Variants in TFCP2 observed in about 807,000 individuals in gnomAD.
The protein encoded by TFCP2 is alpha-globin transcription factor CP2.
Under a neutral mutation model 73.4 loss-of-function variants are expected in TFCP2, and 33 were observed. The observed-to-expected ratio is 0.45, with a 90% confidence interval of 0.34 to 0.60. TFCP2 has a LOEUF of 0.60. TFCP2 is among the 20% of genes least tolerant of loss of function. The pLI is 0.01. For synonymous variants in TFCP2, 193 were observed against 211.6 expected, an observed-to-expected ratio of 0.91 and a Z score of 0.76; for missense variants, 352 against 604.0, an observed-to-expected ratio of 0.58 and a Z score of 4.37.
At chr12:51,140,626 A>C (rs1941172042) in intron 1 of TFCP2, among the ~76,000 whole-genome samples, 1 of 150,590 alleles carries the variant, frequency 6.6e-6, no homozygotes, top group Non-Finnish European at 1.5e-5. Flanking sequence ...AGGGTCTTAC[A>C]CTGTCACCCA....
intron 2 of TFCP2, among the ~76,000 whole-genome samples, chr12:51,117,975 C>T (rs543889707): frequency 8.5e-5 from 13 of 152,232 alleles, no homozygotes; most frequent in Admixed American, 2.6e-4. Flanking sequence ...ATTTTACAGA[C>T]AAAGAAATTG....
chr12:51,149,109 A>G (rs1319681087), intron 1 of TFCP2, among the ~76,000 whole-genome samples: 4 of 151,850 alleles, frequency 2.6e-5, no homozygotes, highest in Non-Finnish European at 5.9e-5. Context: ...GAACGAAACA[A>G]TGGCATTTGC....
At chr12:51,128,647 G>A (rs1940869312) in intron 1 of TFCP2, among the ~76,000 whole-genome samples, 1 of 152,122 alleles carries the variant, frequency 6.6e-6, no homozygotes, top group African/African-American at 2.4e-5. Context: ...ATATCACTGT[G>A]CAAGGTGAAA....
chr12:51,098,615 G>C (rs1592786239), intron 13 of TFCP2, among the ~76,000 whole-genome samples, 161 bp downstream of exon 13: 1 of 150,080 alleles, frequency 6.7e-6, no homozygotes, highest in African/African-American at 2.5e-5. Flanking sequence ...AACAGAGAGA[G>C]ACTGTTTCAA....
chr12:51,158,280 GTA>G (rs1332009740), intron 1 of TFCP2, among the ~76,000 whole-genome samples: 1 of 152,040 alleles, frequency 6.6e-6, no homozygotes, highest in African/African-American at 2.4e-5. Flanking sequence ...TAAAGCACTG[GTA>G]TTACAGGTAT....
At chr12:51,161,087 C>A (rs899741044) in intron 1 of TFCP2, among the ~76,000 whole-genome samples, 1 of 152,028 alleles carries the variant, frequency 6.6e-6, no homozygotes, top group African/African-American at 2.4e-5. Context: ...TTTCTGTTTT[C>A]TTTTCTTATT....
chr12:51,172,462 A>G lies in TFCP2; in HGVS notation c.-40T>C. The G allele has an allele frequency of 6.2e-7, 1 of 1,611,908 alleles. No individual in the cohort carries two copies. Among genetic ancestry groups the G allele is most frequent in the East Asian group, 2.2e-5 (1 of 44,852 alleles). ...TGCCCCAGGAGACACCGTGTCTTGT[A>G]CAAAGGCGCGGAGGGTAATTCTACC... On this transcript the variant is annotated 5_prime_UTR_variant, in exon 1 of 15. Coordinates refer to ENST00000257915, the MANE Select transcript of TFCP2 (RefSeq NM_005653.5).
intron 1 of TFCP2, among the ~76,000 whole-genome samples, chr12:51,147,120 A>G (rs1566225534): frequency 1.3e-5 from 2 of 152,206 alleles, no homozygotes; most frequent in Non-Finnish European, 2.9e-5. Flanking sequence ...AAGCAGGCAG[A>G]TCACCTGAGG....
At chr12:51,162,590 A>C (rs1490955287) in intron 1 of TFCP2, among the ~76,000 whole-genome samples, 1 of 152,192 alleles carries the variant, frequency 6.6e-6, no homozygotes, top group Non-Finnish European at 1.5e-5. Flanking sequence ...ACTTAAAATC[A>C]ACTCTACTCT....
intron 1 of TFCP2, among the ~76,000 whole-genome samples, chr12:51,152,478 A>G (rs950976893): frequency 6.6e-6 from 1 of 152,244 alleles, no homozygotes; most frequent in Non-Finnish European, 1.5e-5. Flanking sequence ...TAAGGTCTAT[A>G]GATTATAGCA....
chr12:51,164,817 C>T (rs1941720777), intron 1 of TFCP2, among the ~76,000 whole-genome samples: 3 of 151,316 alleles, frequency 2.0e-5, no homozygotes, highest in South Asian at 4.2e-4. Flanking sequence ...ATTAAAGTAC[C>T]AAAACTGACT....
At chr12:51,157,738 G>A (rs1941569332) in intron 1 of TFCP2, among the ~76,000 whole-genome samples, 1 of 138,656 alleles carries the variant, frequency 7.2e-6, no homozygotes, top group African/African-American at 2.7e-5. Context: ...CCAGGCTGGA[G>A]TACAGTGGCA....
intron 4 of TFCP2, among the ~76,000 whole-genome samples, chr12:51,115,652 G>T (rs548545171): frequency 6.6e-6 from 1 of 152,286 alleles, no homozygotes; most frequent in East Asian, 1.9e-4. Context: ...CAAATTAAGT[G>T]CCTATCATGG....
chr12:51,112,012 G>T (rs1940413886), intron 4 of TFCP2, among the ~76,000 whole-genome samples: 1 of 152,016 alleles, frequency 6.6e-6, no homozygotes. Context: ...ACAAAAATTA[G>T]CCAGGCATGG....
At chr12:51,107,163 C>T (rs1190337763) in intron 7 of TFCP2, 73 bp downstream of exon 7, 1 of 1,225,718 alleles carries the variant, frequency 8.2e-7, no homozygotes, top group Non-Finnish European at 1.2e-6. Context: ...TAAATTCTGA[C>T]CAGTTTGGAA....
intron 1 of TFCP2, among the ~76,000 whole-genome samples, chr12:51,128,208 C>A (rs1940854977): frequency 6.6e-6 from 1 of 152,082 alleles, no homozygotes; most frequent in South Asian, 2.1e-4. Context: ...CATGAGCCAC[C>A]ATGCCCAGCC....
chr12:51,169,949 T>C (rs144476670), intron 1 of TFCP2, among the ~76,000 whole-genome samples: 48 of 152,372 alleles, frequency 3.2e-4, no homozygotes, highest in East Asian at 9.6e-4. Context: ...TTGCACCTAG[T>C]AGATTAACAA....
intron 1 of TFCP2, among the ~76,000 whole-genome samples, chr12:51,139,532 C>T (rs1363128004): frequency 6.6e-6 from 1 of 152,082 alleles, no homozygotes; most frequent in South Asian, 2.1e-4. Flanking sequence ...CACACACCAC[C>T]ACACCTGGCT....
chr12:51,141,033 G>C (rs1223934108), intron 1 of TFCP2, among the ~76,000 whole-genome samples: 1 of 151,840 alleles, frequency 6.6e-6, no homozygotes, highest in Admixed American at 6.6e-5. Context: ...TCCAGCCTGG[G>C]CAACAGAGTG....
Sources: allele counts gnomAD v4.1 joint callset (sites outside exome capture counted in the v4.1 genomes callset), GRCh38; gene constraint gnomAD v4.1.1; transcripts MANE v1.5; gene names NCBI Gene and HGNC (gene_info 2026-07-23, HGNC 2026-07-21).